The following AGBL1 variants were observed in gnomAD, a reference collection of about 807,000 sequenced individuals.
AGBL1 encodes the protein AGBL carboxypeptidase 1, also known as cytosolic carboxypeptidase 4.
A neutral mutation model predicts 118.9 loss-of-function variants in AGBL1; 130 were observed. The observed-to-expected ratio is 1.09, with a 90% CI of 0.95 to 1.26. The LOEUF is 1.26. Ranked by LOEUF, AGBL1 falls within the 50% of genes most tolerant of loss-of-function variation. The pLI is 0.00. For synonymous variants in AGBL1, 555 were observed against 478.9 expected, an observed-to-expected ratio of 1.16 and a Z score of -2.08; for missense variants, 1,584 against 1,298.1, an observed-to-expected ratio of 1.22 and a Z score of -3.38.
At chr15:86,481,576 C>T (rs2082652135) in intron 18 of AGBL1, among the ~76,000 whole-genome samples, 1 of 152,088 alleles carries the variant, frequency 6.6e-6, no homozygotes, top group South Asian at 2.1e-4. Flanking sequence ...GCACGACTAT[C>T]CTGTTTTTGG....
chr15:86,582,087 A>G (rs2084179342), intron 21 of AGBL1, among the ~76,000 whole-genome samples: 1 of 152,146 alleles, frequency 6.6e-6, no homozygotes, highest in Non-Finnish European at 1.5e-5. Context: ...TTTACCCACT[A>G]GATGCAGGTA....
At chr15:86,825,075 C>G (rs547437103) in intron 22 of AGBL1, among the ~76,000 whole-genome samples, 2 of 151,702 alleles carry the variant, frequency 1.3e-5, no homozygotes, top group South Asian at 4.2e-4. Flanking sequence ...AACAAACAAA[C>G]AAAACAAAAA....
At position 86,911,789 on chromosome 15, in the gene AGBL1, T is replaced by C. The variant is rs2080355335; in HGVS notation, c.*4495T>C. ...CAGTTCAAATATCACCTTTCTTCTA[T>C]AAAACTTGTCCTCATCACCCAATGC... On this transcript the variant is annotated 3_prime_UTR_variant, in exon 23 of 23. Coordinates refer to ENST00000614907, the MANE Select transcript of AGBL1 (RefSeq NM_001386094.1). 2.0e-5 allele frequency: 3 copies of C among 152,220 alleles called. No homozygotes were observed. Among genetic ancestry groups the C allele is most frequent in the Admixed American group, 2.0e-4 (3 of 15,282 alleles). 9.4% of individuals were successfully genotyped at this position (152,220 alleles called of 1,614,324 possible). A position where few individuals can be genotyped will look rare whatever the true frequency, so the allele number is the denominator to read the frequency against.
chr15:86,140,394 GGAT>G (rs1277637408), intron 1 of AGBL1, among the ~76,000 whole-genome samples: 1 of 151,858 alleles, frequency 6.6e-6, no homozygotes, highest in Non-Finnish European at 1.5e-5. Context: ...GTGCCTTTGG[GGAT>G]GTTGTTGGAC....
At position 86,295,376 on chromosome 15, in the gene AGBL1, A is replaced by G. The variant is rs1266530131; in HGVS notation, c.2342A>G (p.Glu781Gly). The change falls in exon 17 of 23, where the codon GAG (glutamate) becomes GGG (glycine). Residue 781 changes from glutamate to glycine, a missense_variant. Transcript: ENST00000614907. ...CPLVTITAMP[E>G]SNSDEHLEQF... is the part of the protein sequence containing the mutation. ...TTGGTGACCATCACGGCCATGCCTG[A>G]GTCCAACAGTGATGAGCATCTAGAG... The G allele has an allele frequency of 1.2e-6, 2 of 1,604,108 alleles. No individual in the cohort carries two copies. The highest frequency in any genetic ancestry group is 2.2e-5 in the East Asian group (1 of 44,806).
At chr15:86,641,758 C>CA (rs1435452817) in intron 21 of AGBL1, among the ~76,000 whole-genome samples, 2 of 151,746 alleles carry the variant, frequency 1.3e-5, no homozygotes. Context: ...TTCTGAATTT[C>CA]AAAAAAAGAC....
chr15:86,694,855 G>A (rs1163041362), intron 22 of AGBL1, among the ~76,000 whole-genome samples: 1 of 152,006 alleles, frequency 6.6e-6, no homozygotes, highest in African/African-American at 2.4e-5. Context: ...AGATGATCAT[G>A]TGATTTTTGT....
At chr15:87,030,734 A>AT, downstream of AGBL1, among the ~76,000 whole-genome samples, 1 of 152,086 alleles carries the variant, frequency 6.6e-6, no homozygotes, top group East Asian at 1.9e-4. Flanking sequence ...ACATTTACCA[A>AT]TTTACTACTT....
intron 18 of AGBL1, among the ~76,000 whole-genome samples, chr15:86,425,539 TA>T (rs947166814): frequency 1.3e-5 from 2 of 151,932 alleles, no homozygotes; most frequent in African/African-American, 4.8e-5. Flanking sequence ...AAAGTATAAT[TA>T]AAAAAACCCA....
At chr15:86,749,991 C>T (rs1242863828) in intron 22 of AGBL1, among the ~76,000 whole-genome samples, 1 of 152,004 alleles carries the variant, frequency 6.6e-6, no homozygotes, top group Non-Finnish European at 1.5e-5. Context: ...TGTGTCTCTG[C>T]CAGGCTTTGG....
chr15:86,976,981 G>A (rs2081182516), intron 23 of AGBL1, among the ~76,000 whole-genome samples: 1 of 151,842 alleles, frequency 6.6e-6, no homozygotes, highest in South Asian at 2.1e-4. Flanking sequence ...TTCTGAATTT[G>A]TTGATGTCTT....
At chr15:86,629,145 C>A (rs914045535) in intron 21 of AGBL1, among the ~76,000 whole-genome samples, 7 of 152,128 alleles carry the variant, frequency 4.6e-5, no homozygotes, top group Non-Finnish European at 7.3e-5. Flanking sequence ...ATTTTCTCCA[C>A]CCTCCAGCTC....
At chr15:86,421,491 T>C (rs1304252447) in intron 18 of AGBL1, among the ~76,000 whole-genome samples, 1 of 152,118 alleles carries the variant, frequency 6.6e-6, no homozygotes, top group Non-Finnish European at 1.5e-5. Flanking sequence ...TACCAGCCAC[T>C]GCAAAAACAT....
At chr15:86,610,777 C>A (rs2084644462) in intron 21 of AGBL1, among the ~76,000 whole-genome samples, 2 of 152,136 alleles carry the variant, frequency 1.3e-5, no homozygotes. Flanking sequence ...CTTCCCTAAT[C>A]ACGTATTTTT....
chr15:86,782,617 C>G (rs756994093), intron 22 of AGBL1, among the ~76,000 whole-genome samples: 2 of 152,132 alleles, frequency 1.3e-5, no homozygotes, highest in Non-Finnish European at 2.9e-5. Flanking sequence ...AATACTCTAA[C>G]AATTGCATTA....
At chr15:86,562,394 A>T (rs1258101363) in intron 21 of AGBL1, among the ~76,000 whole-genome samples, 2 of 152,132 alleles carry the variant, frequency 1.3e-5, no homozygotes, top group Non-Finnish European at 2.9e-5. Context: ...GCATCTATTG[A>T]GATAATCCTG....
intron 16 of AGBL1, among the ~76,000 whole-genome samples, chr15:86,291,295 G>C (rs2079541150): frequency 6.6e-6 from 1 of 152,118 alleles, no homozygotes; most frequent in African/African-American, 2.4e-5. Flanking sequence ...CTAGCATGTA[G>C]TGTTGCAGAA....
At chr15:86,805,220 A>G (rs1227568988) in intron 22 of AGBL1, among the ~76,000 whole-genome samples, 4 of 152,020 alleles carry the variant, frequency 2.6e-5, no homozygotes, top group Non-Finnish European at 5.9e-5. Context: ...TGCTCAAAAT[A>G]AATTTTGTCT....
intron 5 of AGBL1, among the ~76,000 whole-genome samples, chr15:86,163,319 C>G (rs890845354): frequency 6.6e-6 from 1 of 152,188 alleles, no homozygotes; most frequent in African/African-American, 2.4e-5. Context: ...GTCCCAGCTA[C>G]TCAGGAGGCT....
Sources: allele counts gnomAD v4.1 joint callset (sites outside exome capture counted in the v4.1 genomes callset), GRCh38; gene constraint gnomAD v4.1.1; transcripts MANE v1.5; gene names NCBI Gene and HGNC (gene_info 2026-07-23, HGNC 2026-07-21).